The following PPP2R2C variants were observed in gnomAD, a reference collection of about 807,000 sequenced individuals.
PPP2R2C encodes protein phosphatase 2, regulatory subunit B, gamma.
In PPP2R2C, 10 loss-of-function variants were observed where a neutral mutation model predicts 45.3. The ratio of observed to expected loss-of-function variants is 0.22; its 90% confidence interval spans 0.14 to 0.37. The LOEUF (loss-of-function observed/expected upper bound fraction) is 0.37, where lower values mean the gene tolerates loss of function less well. Among genes scored for constraint, PPP2R2C ranks in the 10% least tolerant of loss-of-function variants. The pLI is 1.00. For synonymous variants in PPP2R2C, 257 were observed against 245.4 expected (o/e 1.05, Z -0.44); for missense variants, 308 against 619.7 (o/e 0.50, Z 5.34).
chr4:6,544,750 C>G (rs1250092498), intron 1 of PPP2R2C, among the ~76,000 whole-genome samples: 2 of 152,186 alleles, frequency 1.3e-5, no homozygotes, highest in African/African-American at 4.8e-5. Flanking sequence ...AAACTGCTGG[C>G]CAGCTAACAC....
intron 1 of PPP2R2C, among the ~76,000 whole-genome samples, chr4:6,399,321 G>C (rs1016099289): frequency 6.6e-6 from 1 of 152,216 alleles, no homozygotes; most frequent in African/African-American, 2.4e-5. Flanking sequence ...GGAAGTGCCA[G>C]CAGCCACCTG....
In PPP2R2C at chr4:6,331,784, C is replaced by G. The variant is rs189080100; in HGVS notation, c.960+1778G>C. ...GGAACCACTGTGGCGCTGCCGGGGT[C>G]ATGGAGCCCCCCCACCTTCCTGGAC... is the stretch of plus-strand genomic sequence containing the variant. On this transcript the variant is annotated intron_variant, in intron 7 of 8. Coordinates refer to ENST00000382599, the MANE Select transcript of PPP2R2C (RefSeq NM_020416.4). This position sits in a 1 kb window ranked among gnomAD's most constrained non-coding sequence, Gnocchi z 5.9. Among the ~76,000 whole-genome samples, 147 of 152,248 alleles carry G rather than the reference C, an allele frequency of 9.7e-4. 1 individual carries two copies. Among genetic ancestry groups the G allele is most frequent in the African/African-American group, 3.4e-3 (142 of 41,548 alleles).
intron 2 of PPP2R2C, among the ~76,000 whole-genome samples, chr4:6,511,302 G>T (rs1723454126): frequency 6.6e-6 from 1 of 152,014 alleles, no homozygotes; most frequent in Admixed American, 6.5e-5. Flanking sequence ...TGATGGTGGT[G>T]GTGATGGTAT....
intron 1 of PPP2R2C, among the ~76,000 whole-genome samples, chr4:6,386,152 C>T (rs1379738641): frequency 1.3e-5 from 2 of 152,148 alleles, no homozygotes; most frequent in African/African-American, 4.8e-5. Flanking sequence ...CTGAAGGCAT[C>T]GGAGGGTGAG....
chr4:6,378,786 A>G lies in PPP2R2C; in HGVS notation c.169-214T>C, dbSNP rs1715556525. 6.6e-6 allele frequency among the ~76,000 whole-genome samples: 1 copy of G among 151,522 alleles called. No individual in the cohort carries two copies. The highest frequency in any genetic ancestry group is 2.4e-5 in the African/African-American group (1 of 41,166). The stretch of plus-strand genomic sequence containing the variant: ...CCGCTCCCGTGCGGTCCCATGAAAC[A>G]CTCACACCCGAGCCGGCTAACTTGC... On this transcript the variant is annotated intron_variant, in intron 2 of 8. Transcript: ENST00000382599. This position sits in a 1 kb window ranked among gnomAD's most constrained non-coding sequence, Gnocchi z 5.2.
intron 2 of PPP2R2C, chr4:6,379,944 G>C (rs10017768): frequency 0.23 from 34,509 of 151,042 alleles, 4,435 homozygotes; most frequent in African/African-American, 0.35. Context: ...CTTCACCCCC[G>C]GCTTCCTCCC....
chr4:6,458,893 C>G (rs1343085355), intron 1 of PPP2R2C, among the ~76,000 whole-genome samples: 1 of 152,130 alleles, frequency 6.6e-6, no homozygotes, highest in Non-Finnish European at 1.5e-5. Flanking sequence ...TTATAAGCAA[C>G]AGAGATTGAC....
intron 1 of PPP2R2C, chr4:6,384,392 C>A (rs1210763696): frequency 1.0e-6 from 1 of 985,146 alleles, no homozygotes; most frequent in African/African-American, 1.7e-5. Flanking sequence ...AAAATGTGAA[C>A]GGAGGTAGCT....
At chr4:6,375,273 A>G (rs7699546) in intron 4 of PPP2R2C, among the ~76,000 whole-genome samples, 3,755 of 152,226 alleles carry the variant, frequency 0.025, 146 homozygotes, top group African/African-American at 0.086. Context: ...AAGAGCACTG[A>G]CTACTGCTTT....
At chr4:6,401,513 A>G (rs752249329) in intron 1 of PPP2R2C, among the ~76,000 whole-genome samples, 4 of 152,056 alleles carry the variant, frequency 2.6e-5, no homozygotes, top group African/African-American at 4.8e-5. Flanking sequence ...TCAGCCTTCC[A>G]GAGACCAAGG....
At chr4:6,340,546 CAATCCAGCAGCA>C (rs1178131997) in intron 6 of PPP2R2C, among the ~76,000 whole-genome samples, 1 of 152,146 alleles carries the variant, frequency 6.6e-6, no homozygotes, top group Non-Finnish European at 1.5e-5. Flanking sequence ...CCTCTCCATC[CAATCCAGCAGCA>C]AATCCAGCAG....
chr4:6,413,954 C>T (rs1177719911), intron 1 of PPP2R2C: 1 of 1,535,982 alleles, frequency 6.5e-7, no homozygotes, highest in Non-Finnish European at 8.7e-7. Flanking sequence ...CAGAATGAGG[C>T]TGCTCCCTGG....
At chr4:6,526,018 A>G (rs1042700599) in intron 2 of PPP2R2C, among the ~76,000 whole-genome samples, 5 of 152,116 alleles carry the variant, frequency 3.3e-5, no homozygotes, top group African/African-American at 9.7e-5. Flanking sequence ...TTCCTTCTTG[A>G]TAAGAGTCCT....
At chr4:6,489,762 T>C (rs564519479) in intron 2 of PPP2R2C, among the ~76,000 whole-genome samples, 93 of 152,284 alleles carry the variant, frequency 6.1e-4, no homozygotes, top group Non-Finnish European at 7.5e-4. Flanking sequence ...AGCCGAGTCT[T>C]GTGGGGATTG....
intron 1 of PPP2R2C, among the ~76,000 whole-genome samples, chr4:6,413,135 T>C (rs986516807): frequency 2.0e-5 from 3 of 152,038 alleles, no homozygotes; most frequent in Non-Finnish European, 4.4e-5. Context: ...CCCCCGAGAA[T>C]AAACAGAGTG....
chr4:6,323,000 C>T lies in PPP2R2C; in HGVS notation c.*302G>A, dbSNP rs189509101. ...GACCGCAGACCGAGACAGGAAGGGA[C>T]GTGAATGAAAGAACCCTGAACTGTA... On this transcript the variant is annotated 3_prime_UTR_variant, in exon 9 of 9. Transcript: ENST00000382599. The surrounding 1 kb of genome is among the most constrained non-coding windows in gnomAD (Gnocchi z 7.8). 1.9e-5 allele frequency: 5 copies of T among 267,960 alleles called. No homozygotes were observed. The highest frequency in any genetic ancestry group is 6.9e-5 in the East Asian group (1 of 14,402). 16.6% of individuals were successfully genotyped at this position (267,960 alleles called of 1,614,324 possible). A position where few individuals can be genotyped will look rare whatever the true frequency, so the allele number is the denominator to read the frequency against.
At chr4:6,350,875 G>C (rs2109233671) in intron 5 of PPP2R2C, 1 of 985,436 alleles carries the variant, frequency 1.0e-6, no homozygotes, top group African/African-American at 1.7e-5. Context: ...TGAGTGGGAG[G>C]TGTGAAGTGG....
At chr4:6,502,750 A>T (rs1723099957) in intron 2 of PPP2R2C, among the ~76,000 whole-genome samples, 1 of 152,070 alleles carries the variant, frequency 6.6e-6, no homozygotes, top group African/African-American at 2.4e-5. Context: ...CCTCCTTCCA[A>T]TGAGGGTCTA....
intron 1 of PPP2R2C, among the ~76,000 whole-genome samples, chr4:6,456,165 C>A (rs1721017615): frequency 6.6e-6 from 1 of 152,182 alleles, no homozygotes; most frequent in South Asian, 2.1e-4. Context: ...ACTCAGAGTG[C>A]AGGATGATCT....
Sources: allele counts gnomAD v4.1 joint callset (sites outside exome capture counted in the v4.1 genomes callset), GRCh38; gene constraint gnomAD v4.1.1; non-coding constraint Gnocchi (gnomAD v3.1); transcripts MANE v1.5; gene names NCBI Gene and HGNC (gene_info 2026-07-23, HGNC 2026-07-21).